DNAJC5B: variants seen among roughly 807,000 people sequenced by gnomAD.
DNAJC5B encodes DnaJ heat shock protein family (Hsp40) member C5 beta.
Under a neutral mutation model 24.7 loss-of-function variants are expected in DNAJC5B, and 23 were observed. The ratio of observed to expected loss-of-function variants is 0.93; its 90% CI spans 0.67 to 1.32. The LOEUF is 1.32. DNAJC5B is among the 40% of genes most tolerant of loss of function. The pLI, the probability that DNAJC5B is intolerant of heterozygous loss-of-function variation, is 0.00. For synonymous variants in DNAJC5B, 101 were observed against 90.1 expected (o/e 1.12, Z -0.68); for missense variants, 238 against 240.8 (o/e 0.99, Z 0.08).
intron 1 of DNAJC5B, among the ~76,000 whole-genome samples, chr8:66,034,377 G>A (rs998715654): frequency 2.0e-5 from 3 of 152,032 alleles, no homozygotes; most frequent in Non-Finnish European, 2.9e-5. Context: ...CCAGCAGATG[G>A]ACATACAGTC....
At chr8:66,020,595 TGTGTGTGTG>T (rs1806088932), upstream of DNAJC5B, among the ~76,000 whole-genome samples, 1 of 476 alleles carries the variant, frequency 2.1e-3, no homozygotes, top group Non-Finnish European at 4.0e-3. Context: ...ATCAATACTC[TGTGTGTGTG>T]TGTGTGTGTG....
intron 5 of DNAJC5B, among the ~76,000 whole-genome samples, chr8:66,082,614 C>T (rs1365024061): frequency 1.3e-5 from 2 of 152,104 alleles, no homozygotes; most frequent in African/African-American, 2.4e-5. Flanking sequence ...AAGTAAACCA[C>T]GATCCTGTTT....
chr8:66,041,414 A>C (rs575125798), intron 1 of DNAJC5B, among the ~76,000 whole-genome samples: 178 of 152,334 alleles, frequency 1.2e-3, no homozygotes, highest in African/African-American at 4.2e-3. Flanking sequence ...GTAGTGCACC[A>C]GTCATTTCTT....
chr8:66,044,105 G>C (rs983566151), intron 2 of DNAJC5B, among the ~76,000 whole-genome samples: 1 of 152,182 alleles, frequency 6.6e-6, no homozygotes, highest in African/African-American at 2.4e-5. Flanking sequence ...TTACAGGTGC[G>C]AGCCCGGCCA....
chr8:66,022,519 C>G (rs1806157629), intron 1 of DNAJC5B, among the ~76,000 whole-genome samples: 1 of 152,136 alleles, frequency 6.6e-6, no homozygotes, highest in Non-Finnish European at 1.5e-5. Flanking sequence ...TGGCGATGCT[C>G]CCTCAGTGGG....
chr8:66,053,383 C>A (rs924069408), intron 3 of DNAJC5B, among the ~76,000 whole-genome samples: 1 of 152,148 alleles, frequency 6.6e-6, no homozygotes, highest in African/African-American at 2.4e-5. Context: ...ATTTAAGATT[C>A]ACCTGTGGGT....
chr8:66,027,519 G>A (rs1429039820), intron 1 of DNAJC5B, among the ~76,000 whole-genome samples: 1 of 152,082 alleles, frequency 6.6e-6, no homozygotes, highest in African/African-American at 2.4e-5. Flanking sequence ...ACTATGGCAT[G>A]TAATTCACTA....
At chr8:66,067,097 T>C (rs1161918100) in intron 3 of DNAJC5B, among the ~76,000 whole-genome samples, 1 of 152,114 alleles carries the variant, frequency 6.6e-6, no homozygotes, top group East Asian at 1.9e-4. Flanking sequence ...CATCAGGAGT[T>C]TCCTGGTTCT....
chr8:66,038,210 GTTACCT>G (rs1022140243), intron 1 of DNAJC5B, among the ~76,000 whole-genome samples: 6 of 152,168 alleles, frequency 3.9e-5, no homozygotes, highest in African/African-American at 1.4e-4. Flanking sequence ...CACCTAACAG[GTTACCT>G]TTCTTAAAAT....
intron 2 of DNAJC5B, among the ~76,000 whole-genome samples, chr8:66,045,632 G>C (rs533711974): frequency 1.3e-3 from 192 of 151,704 alleles, no homozygotes; most frequent in Middle Eastern, 6.8e-3. Context: ...AGAAAGACAG[G>C]CTCCAGGCTG....
At chr8:66,091,273 C>T (rs1350299660) in intron 5 of DNAJC5B, among the ~76,000 whole-genome samples, 2 of 152,078 alleles carry the variant, frequency 1.3e-5, no homozygotes, top group Non-Finnish European at 2.9e-5. Context: ...TTTACAGGTA[C>T]AATAAGCCTG....
At chr8:66,037,440 C>T (rs900508294) in intron 1 of DNAJC5B, among the ~76,000 whole-genome samples, 1 of 152,066 alleles carries the variant, frequency 6.6e-6, no homozygotes, top group Non-Finnish European at 1.5e-5. Context: ...GGAGAGACCA[C>T]GTGGGAGAGG....
intron 5 of DNAJC5B, among the ~76,000 whole-genome samples, chr8:66,086,910 G>A (rs916976005): frequency 3.3e-5 from 5 of 152,062 alleles, no homozygotes; most frequent in African/African-American, 4.8e-5. Flanking sequence ...CTGATATGGG[G>A]CAATCTTTAC....
At position 66,100,282 on chromosome 8, in the gene DNAJC5B, G is replaced by T. The variant is rs766971025; in HGVS notation, c.*251G>T. Reference sequence around the variant, plus strand: ...AAGAGTTATTTTACCCTCCTTGCCTGATGTAGGACAGTGGAATTGTACAGC... The same window carrying T: ...AAGAGTTATTTTACCCTCCTTGCCTTATGTAGGACAGTGGAATTGTACAGC... On this transcript the variant is annotated 3_prime_UTR_variant, in exon 6 of 6. Transcript: ENST00000276570. The T allele has an allele frequency of 8.8e-5, 31 of 351,274 alleles. No individual in the cohort carries two copies. The highest frequency in any genetic ancestry group is 1.6e-4 in the Non-Finnish European group (30 of 190,602). The allele number at this position is 351,274 out of a possible 1,614,324, so 21.8% of individuals were successfully genotyped here. A position where few individuals can be genotyped will look rare whatever the true frequency, so the allele number is the denominator to read the frequency against.
chr8:66,069,961 C>T lies in DNAJC5B; in HGVS notation c.120-6699C>T, dbSNP rs540102465. Among the ~76,000 whole-genome samples, 18 of 152,340 alleles carry T rather than the reference C, an allele frequency of 1.2e-4. No individual in the cohort carries two copies. The South Asian group carries it at 3.5e-3, about 30-fold the overall frequency. On this transcript the variant is annotated intron_variant, in intron 3 of 5. Coordinates refer to ENST00000276570, the MANE Select transcript of DNAJC5B (RefSeq NM_033105.6). ...TAAACCGAACCAATGACACAAACCACATGATTATCTCAATAGATGCAGAAA... is the reference window on the plus strand; with the variant it reads ...TAAACCGAACCAATGACACAAACCATATGATTATCTCAATAGATGCAGAAA...
chr8:66,023,094 C>T (rs1306191607), intron 1 of DNAJC5B, among the ~76,000 whole-genome samples: 1 of 152,204 alleles, frequency 6.6e-6, no homozygotes, highest in African/African-American at 2.4e-5. Flanking sequence ...ACTAGAAGAT[C>T]ATCCATTCCA....
chr8:66,038,973 T>A (rs760860716), intron 1 of DNAJC5B, among the ~76,000 whole-genome samples: 1 of 152,248 alleles, frequency 6.6e-6, no homozygotes, highest in Non-Finnish European at 1.5e-5. Context: ...AAAAGTTTAC[T>A]TAACCAAAGG....
chr8:66,097,152 T>A (rs547435401), intron 5 of DNAJC5B, among the ~76,000 whole-genome samples: 1 of 152,124 alleles, frequency 6.6e-6, no homozygotes, highest in African/African-American at 2.4e-5. Context: ...TTTCTGGTAA[T>A]TTTTTTATCA....
chr8:66,086,093 T>C (rs979259797), intron 5 of DNAJC5B, among the ~76,000 whole-genome samples: 2 of 152,220 alleles, frequency 1.3e-5, no homozygotes, highest in Admixed American at 6.5e-5. Flanking sequence ...CTTGCAGTTG[T>C]TCATTGCAAG....
Sources: allele counts gnomAD v4.1 joint callset (sites outside exome capture counted in the v4.1 genomes callset), GRCh38; gene constraint gnomAD v4.1.1; transcripts MANE v1.5; gene names NCBI Gene and HGNC (gene_info 2026-07-23, HGNC 2026-07-21).